The following CHRM2 variants were observed in gnomAD, a reference collection of about 807,000 sequenced individuals.
CHRM2 encodes cholinergic receptor muscarinic 2, also known as muscarinic acetylcholine receptor M2.
Under a neutral mutation model 25.0 loss-of-function variants are expected in CHRM2, and 8 were observed. The ratio of observed to expected loss-of-function variants is 0.32; its 90% CI spans 0.19 to 0.58. The LOEUF is 0.58. CHRM2 is among the 20% of genes least tolerant of loss of function. CHRM2 has a pLI of 0.88. For missense variants in CHRM2, 440 were observed against 567.1 expected (o/e 0.78, Z 2.28); for synonymous variants, 202 against 205.7 (o/e 0.98, Z 0.15).
chr7:136,874,574 C>T (rs1460606778), intron 2 of CHRM2, among the ~76,000 whole-genome samples: 2 of 144,282 alleles, frequency 1.4e-5, no homozygotes, highest in South Asian at 2.4e-4. Context: ...TCTGCCCCCC[C>T]TCTCTCCCCT....
intron 2 of CHRM2, among the ~76,000 whole-genome samples, chr7:136,931,247 T>A (rs1799086751): frequency 6.6e-6 from 1 of 152,220 alleles, no homozygotes; most frequent in Admixed American, 6.5e-5. Flanking sequence ...ATGTTCTATT[T>A]GGTGAAACTA....
At chr7:136,958,199 A>G (rs1275616824) in intron 2 of CHRM2, among the ~76,000 whole-genome samples, 1 of 152,208 alleles carries the variant, frequency 6.6e-6, no homozygotes, top group Admixed American at 6.5e-5. Flanking sequence ...AGAAGGCAAC[A>G]TCTTAGAGTT....
intron 3 of CHRM2, among the ~76,000 whole-genome samples, chr7:137,009,738 G>C (rs748055886): frequency 6.6e-6 from 1 of 152,026 alleles, no homozygotes; most frequent in Non-Finnish European, 1.5e-5. Flanking sequence ...TTTATAAAAG[G>C]AGTATAATAA....
chr7:136,943,212 G>A (rs1799874914), intron 2 of CHRM2, among the ~76,000 whole-genome samples: 1 of 152,102 alleles, frequency 6.6e-6, no homozygotes, highest in Non-Finnish European at 1.5e-5. Flanking sequence ...TCATTAGAGA[G>A]GTTGTCTTAG....
At chr7:136,952,324 T>C (rs1174354915) in intron 2 of CHRM2, among the ~76,000 whole-genome samples, 1 of 152,234 alleles carries the variant, frequency 6.6e-6, no homozygotes, top group Non-Finnish European at 1.5e-5. Flanking sequence ...TATTTCCTCA[T>C]TTTTCTCCTT....
At chr7:136,891,823 T>C (rs1796701691) in intron 2 of CHRM2, among the ~76,000 whole-genome samples, 1 of 152,216 alleles carries the variant, frequency 6.6e-6, no homozygotes, top group South Asian at 2.1e-4. Flanking sequence ...ATATTATTAT[T>C]GTTCAGTCTG....
At chr7:136,938,909 C>T (rs1338885823) in intron 2 of CHRM2, among the ~76,000 whole-genome samples, 3 of 19,886 alleles carry the variant, frequency 1.5e-4, no homozygotes, top group Non-Finnish European at 2.8e-4. Flanking sequence ...CTTCAGCTAG[C>T]TCTGCCAAAA....
chr7:136,879,713 A>T (rs1161810865), intron 2 of CHRM2, among the ~76,000 whole-genome samples: 2 of 151,942 alleles, frequency 1.3e-5, no homozygotes, highest in African/African-American at 4.8e-5. Flanking sequence ...CACATTCTCC[A>T]GGAAATTCAC....
chr7:136,979,910 A>C (rs952738380), intron 2 of CHRM2, among the ~76,000 whole-genome samples: 2 of 152,152 alleles, frequency 1.3e-5, no homozygotes, highest in South Asian at 4.2e-4. Flanking sequence ...TCTGTTTAGG[A>C]TTGTCTTGGC....
At chr7:136,912,382 T>C (rs1797889415) in intron 2 of CHRM2, among the ~76,000 whole-genome samples, 1 of 151,992 alleles carries the variant, frequency 6.6e-6, no homozygotes, top group African/African-American at 2.4e-5. Context: ...GAATGTCCTC[T>C]TGCTGATCCA....
rs1272634213 is a variant in CHRM2 at position 136,912,022 on chromosome 7, C to T, written c.-125+42604C>T. Among the ~76,000 whole-genome samples, 10 of 151,702 alleles carry T rather than the reference C, an allele frequency of 6.6e-5. No homozygotes were observed. The East Asian group carries it at 1.7e-3, about 27-fold the overall frequency. On this transcript the variant is annotated intron_variant, in intron 2 of 3. Transcript: ENST00000680005. ...TGGGCTAATGGTGATTTCTCATTTTCTTTATAACAATTTTTATTACAATTT... is the reference window on the plus strand; with the variant it reads ...TGGGCTAATGGTGATTTCTCATTTTTTTTATAACAATTTTTATTACAATTT...
chr7:136,962,242 C>G (rs541925641), intron 2 of CHRM2, among the ~76,000 whole-genome samples: 1 of 133,276 alleles, frequency 7.5e-6, no homozygotes, highest in South Asian at 2.6e-4. Context: ...AAGTGATTCT[C>G]ATGCCTCAGC....
chr7:136,984,994 A>T (rs1802749685), intron 2 of CHRM2, among the ~76,000 whole-genome samples: 1 of 152,132 alleles, frequency 6.6e-6, no homozygotes, highest in Non-Finnish European at 1.5e-5. Flanking sequence ...CTTATTTGAC[A>T]GTAGAATGGT....
intron 2 of CHRM2, among the ~76,000 whole-genome samples, chr7:136,937,747 GAGAT>G (rs1365108401): frequency 6.6e-6 from 1 of 152,094 alleles, no homozygotes. Context: ...ATAAATATAT[GAGAT>G]AGATTTGAAA....
At chr7:136,938,686 G>A in intron 2 of CHRM2, 1 of 775,516 alleles carries the variant, frequency 1.3e-6, no homozygotes, top group South Asian at 1.4e-5. Flanking sequence ...AGGCCCAGGG[G>A]CCAGAGGTGG....
chr7:136,952,140 G>A (rs538519575), intron 2 of CHRM2, among the ~76,000 whole-genome samples: 4 of 152,132 alleles, frequency 2.6e-5, no homozygotes, highest in Non-Finnish European at 5.9e-5. Context: ...TTGTGCATAC[G>A]TGGAGAGAGA....
At chr7:136,944,573 T>C (rs114034129) in intron 2 of CHRM2, among the ~76,000 whole-genome samples, 3,785 of 152,092 alleles carry the variant, frequency 0.025, 159 homozygotes, top group African/African-American at 0.087. Context: ...ACTGGTTGAT[T>C]GATGAGCATC....
chr7:137,004,821 T>C (rs1173238963), intron 3 of CHRM2, among the ~76,000 whole-genome samples: 1 of 152,152 alleles, frequency 6.6e-6, no homozygotes, highest in Non-Finnish European at 1.5e-5. Flanking sequence ...GTAAAGACTT[T>C]AATCTTCTCC....
At position 137,017,969 on chromosome 7, in the gene CHRM2, A is replaced by T. The variant is rs1158815169; in HGVS notation, c.*1703A>T. On this transcript the variant is annotated 3_prime_UTR_variant, in exon 4 of 4. Transcript: ENST00000680005. ...CTTACAGTATTTGCTGTAGTTTTCC[A>T]ATGAGATTTTCTAAAAATGGCTCAA... 6.6e-6 allele frequency: 1 copy of T among 151,912 alleles called. No homozygotes were observed. 9.4% of individuals were successfully genotyped at this position (151,912 alleles called of 1,614,324 possible).
Sources: gnomAD v4.1 joint callset for allele counts (sites outside exome capture counted in the v4.1 genomes callset) on GRCh38, gnomAD v4.1.1 for gene constraint, MANE v1.5 for transcripts, NCBI Gene and HGNC (gene_info 2026-07-23, HGNC 2026-07-21) for gene names.